NYAP2: variants seen among roughly 807,000 people sequenced by gnomAD.
NYAP2 encodes neuronal tyrosine-phosphorylated phosphoinositide-3-kinase adaptor 2.
Under a neutral mutation model 50.4 loss-of-function variants are expected in NYAP2, and 23 were observed. The observed-to-expected ratio is 0.46, with a 90% CI of 0.33 to 0.65. The LOEUF is 0.65. Ranked by LOEUF, NYAP2 falls within the 30% of genes least tolerant of loss-of-function variation. NYAP2 has a pLI of 0.02. For missense variants in NYAP2, 885 were observed against 861.0 expected (o/e 1.03, Z -0.35); for synonymous variants, 394 against 365.2 (o/e 1.08, Z -0.90).
At chr2:225,621,884 T>A (rs1377933723) in intron 5 of NYAP2, among the ~76,000 whole-genome samples, 1 of 152,130 alleles carries the variant, frequency 6.6e-6, no homozygotes, top group South Asian at 2.1e-4. Context: ...GTTCCTTTTT[T>A]TGTAAGGCTG....
chr2:225,614,366 A>T (rs552552769), intron 5 of NYAP2, among the ~76,000 whole-genome samples: 2 of 152,220 alleles, frequency 1.3e-5, no homozygotes, highest in African/African-American at 4.8e-5. Context: ...ATGAAAAACT[A>T]TTTGAAAATT....
At chr2:225,594,603 A>G (rs1331361339) in intron 5 of NYAP2, among the ~76,000 whole-genome samples, 1 of 152,240 alleles carries the variant, frequency 6.6e-6, no homozygotes. Flanking sequence ...ATAAATCCAC[A>G]AAGCTATCAT....
chr2:225,642,716 G>T (rs1158382347), intron 6 of NYAP2, among the ~76,000 whole-genome samples: 1 of 152,142 alleles, frequency 6.6e-6, no homozygotes, highest in African/African-American at 2.4e-5. Flanking sequence ...GTTGAAGTCA[G>T]CTCTTACTAC....
exon 7 of NYAP2, chr2:225,652,923 T>C (rs1038890584): frequency 2.6e-5 from 4 of 152,212 alleles, no homozygotes; most frequent in Admixed American, 6.5e-5. Flanking sequence ...AATGAGAGGC[T>C]TCTCTCAAGG....
intron 3 of NYAP2, among the ~76,000 whole-genome samples, chr2:225,443,829 G>C (rs370781548): frequency 1.3e-5 from 2 of 152,144 alleles, no homozygotes; most frequent in South Asian, 4.1e-4. Context: ...TAGTAAAGTA[G>C]TTTTATGAGA....
chr2:225,693,672 G>C, the NYAP2 span, among the ~76,000 whole-genome samples: 1 of 151,982 alleles, frequency 6.6e-6, no homozygotes, highest in Non-Finnish European at 1.5e-5. Flanking sequence ...TGGCTGAAGG[G>C]GTGGAAGAGC....
At chr2:225,658,355 G>C (rs1693861101), downstream of NYAP2, among the ~76,000 whole-genome samples, 1 of 152,202 alleles carries the variant, frequency 6.6e-6, no homozygotes, top group Admixed American at 6.5e-5. Context: ...CATTATGTTT[G>C]AGAAGTGTTT....
chr2:225,465,439 G>A (rs549783653), intron 3 of NYAP2, among the ~76,000 whole-genome samples: 2 of 152,186 alleles, frequency 1.3e-5, no homozygotes, highest in African/African-American at 2.4e-5. Context: ...CTCTGGGGCC[G>A]GGCGCATTGG....
intron 5 of NYAP2, among the ~76,000 whole-genome samples, chr2:225,584,562 TTATC>T (rs1692358412): frequency 6.6e-6 from 1 of 152,248 alleles, no homozygotes; most frequent in Admixed American, 6.5e-5. Flanking sequence ...GATTTTTTAT[TTATC>T]TATTCATACA....
At chr2:225,663,431 G>T in the NYAP2 span, among the ~76,000 whole-genome samples, 1 of 152,152 alleles carries the variant, frequency 6.6e-6, no homozygotes, top group African/African-American at 2.4e-5. Context: ...AAACAACTTT[G>T]CTTGGATTTC....
chr2:225,453,536 T>A (rs1019457635), intron 3 of NYAP2, among the ~76,000 whole-genome samples: 31 of 152,330 alleles, frequency 2.0e-4, no homozygotes, highest in African/African-American at 5.5e-4. Context: ...CTTTAGAGAT[T>A]TTTTTGCTCA....
At chr2:225,554,938 AT>A (rs1691750731) in intron 4 of NYAP2, among the ~76,000 whole-genome samples, 1 of 152,172 alleles carries the variant, frequency 6.6e-6, no homozygotes, top group African/African-American at 2.4e-5. Context: ...TAAATAAAAA[AT>A]AACAGCTAAT....
At chr2:225,453,798 G>T (rs1689690189) in intron 3 of NYAP2, among the ~76,000 whole-genome samples, 3 of 149,064 alleles carry the variant, frequency 2.0e-5, no homozygotes, top group Non-Finnish European at 4.5e-5. Flanking sequence ...CTTCTGAGTA[G>T]TTGGGTTTAT....
intron 3 of NYAP2, among the ~76,000 whole-genome samples, chr2:225,412,467 C>T (rs1349609819): frequency 6.6e-6 from 1 of 151,420 alleles, no homozygotes; most frequent in Non-Finnish European, 1.5e-5. Context: ...ACTGCTCAGC[C>T]CTGCTAAGAG....
chr2:225,630,830 T>C (rs72978582), intron 6 of NYAP2, among the ~76,000 whole-genome samples: 1,791 of 152,360 alleles, frequency 0.012, 20 homozygotes, highest in Non-Finnish European at 0.02. Context: ...AGTCATTTAC[T>C]GAGATAGAGA....
At chr2:225,425,556 C>A (rs570040460) in intron 3 of NYAP2, among the ~76,000 whole-genome samples, 2 of 152,254 alleles carry the variant, frequency 1.3e-5, no homozygotes, top group South Asian at 4.2e-4. Context: ...GAATGGGAAA[C>A]TTAATGTGAA....
At chr2:225,698,385 G>A in the NYAP2 span, 1 of 152,308 alleles carries the variant, frequency 6.6e-6, no homozygotes, top group South Asian at 2.1e-4. Flanking sequence ...AGCGTTGCTT[G>A]TGCAAGGAAA....
At chr2:225,590,195 G>C (rs996383206) in intron 5 of NYAP2, among the ~76,000 whole-genome samples, 1 of 152,138 alleles carries the variant, frequency 6.6e-6, no homozygotes, top group African/African-American at 2.4e-5. Flanking sequence ...CTCCTCTGCC[G>C]AGAGTCCCAC....
At chr2:225,680,114 A>G in the NYAP2 span, among the ~76,000 whole-genome samples, 2 of 152,194 alleles carry the variant, frequency 1.3e-5, no homozygotes, top group Non-Finnish European at 2.9e-5. Context: ...CTTGCACACA[A>G]TCAATGAGAG....
Sources: gnomAD v4.1 joint callset for allele counts (sites outside exome capture counted in the v4.1 genomes callset) on GRCh38, gnomAD v4.1.1 for gene constraint, MANE v1.5 for transcripts, NCBI Gene and HGNC (gene_info 2026-07-23, HGNC 2026-07-21) for gene names.